AK9: variants seen among roughly 807,000 people sequenced by gnomAD.
The protein encoded by AK9 is adenylate kinase 9, also known as adenylate kinase domain containing 1.
AK9 carries 191 observed loss-of-function variants against 239.6 expected under a neutral mutation model. The ratio of observed to expected loss-of-function variants is 0.80; its 90% CI spans 0.71 to 0.90. The LOEUF (loss-of-function observed/expected upper bound fraction) is 0.90. Among genes scored for constraint, AK9 ranks in the 40% least tolerant of loss-of-function variants. The pLI, the probability that AK9 is intolerant of heterozygous loss-of-function variation, is 0.00. For synonymous variants in AK9, 689 were observed against 721.0 expected, an observed-to-expected ratio of 0.96 and a Z score of 0.71; for missense variants, 1,995 against 2,214.7, an observed-to-expected ratio of 0.90 and a Z score of 1.99.
At chr6:109,506,876 A>G (rs1045962484) in intron 33 of AK9, 76 bp from the exon 34 acceptor site, 26 of 1,433,946 alleles carry the variant, frequency 1.8e-5, no homozygotes, top group Non-Finnish European at 2.3e-5. Context: ...TTCCAGAACC[A>G]GTCTGTCTCT....
chr6:109,551,055 T>C (rs1351390832), intron 24 of AK9, among the ~76,000 whole-genome samples: 2 of 152,146 alleles, frequency 1.3e-5, no homozygotes, highest in Admixed American at 6.5e-5. Context: ...AAAATAGATA[T>C]ATATTTAGGC....
At chr6:109,570,441 A>T (rs1198858793) in intron 21 of AK9, among the ~76,000 whole-genome samples, 2 of 152,134 alleles carry the variant, frequency 1.3e-5, no homozygotes, top group Non-Finnish European at 2.9e-5. Flanking sequence ...ATAATAATAA[A>T]AAAAAGAAAA....
At chr6:109,567,788 C>T (rs1475788750) in intron 21 of AK9, among the ~76,000 whole-genome samples, 3 of 148,170 alleles carry the variant, frequency 2.0e-5, no homozygotes, top group African/African-American at 2.5e-5. Context: ...ATGCAAATGA[C>T]GAGTTAATGG....
chr6:109,617,237 A>C (rs1018634757), intron 13 of AK9, among the ~76,000 whole-genome samples: 5 of 152,092 alleles, frequency 3.3e-5, no homozygotes, highest in Non-Finnish European at 7.4e-5. Context: ...TATTAATACA[A>C]TCCTCCCATT....
chr6:109,577,766 C>T (rs1788277200), intron 20 of AK9, among the ~76,000 whole-genome samples: 1 of 152,056 alleles, frequency 6.6e-6, no homozygotes. Context: ...AGTTTGTGTG[C>T]ATAAAGGTGT....
intron 19 of AK9, among the ~76,000 whole-genome samples, chr6:109,582,350 AT>A (rs1788961162): frequency 6.6e-6 from 1 of 152,220 alleles, no homozygotes; most frequent in Non-Finnish European, 1.5e-5. Flanking sequence ...AGGATTTACC[AT>A]TGCAGAAGCC....
intron 24 of AK9, among the ~76,000 whole-genome samples, chr6:109,551,166 G>A (rs1784309862): frequency 6.6e-6 from 1 of 152,010 alleles, no homozygotes; most frequent in Admixed American, 6.6e-5. Context: ...TTCTATAAAG[G>A]TGCAAAAATG....
At chr6:109,616,709 A>G (rs553741013) in intron 13 of AK9, among the ~76,000 whole-genome samples, 5 of 152,148 alleles carry the variant, frequency 3.3e-5, no homozygotes, top group Non-Finnish European at 7.4e-5. Context: ...TATTCCAGAT[A>G]AAAATACTTA....
chr6:109,553,136 G>A (rs761630630), intron 24 of AK9, among the ~76,000 whole-genome samples: 8 of 152,260 alleles, frequency 5.3e-5, no homozygotes, highest in East Asian at 1.9e-4. Context: ...GTCAGGTAGC[G>A]TGATGCCTCT....
chr6:109,614,311 T>C lies in AK9; in HGVS notation c.1496-15A>G. The C allele has an allele frequency of 6.5e-7, 1 of 1,550,290 alleles. No individual in the cohort carries two copies. Among genetic ancestry groups the C allele is most frequent in the Non-Finnish European group, 8.7e-7 (1 of 1,145,786 alleles). ...TTGAATGTACCCTGCAATGAAAGAA[T>C]AATATACTTTATCAGCTAATCTATT... On this transcript the variant is annotated splice_polypyrimidine_tract_variant and intron_variant, in intron 14 of 40. Coordinates refer to ENST00000424296, the MANE Select transcript of AK9 (RefSeq NM_001145128.3).
chr6:109,689,299 G>A (rs1738102921), intron 1 of AK9, among the ~76,000 whole-genome samples: 1 of 152,308 alleles, frequency 6.6e-6, no homozygotes, highest in African/African-American at 2.4e-5. Flanking sequence ...TACGAGTGCT[G>A]CAAAGGGTGG....
chr6:109,599,621 G>A (rs1791615681), intron 17 of AK9, among the ~76,000 whole-genome samples: 1 of 152,020 alleles, frequency 6.6e-6, no homozygotes, highest in African/African-American at 2.4e-5. Flanking sequence ...GAAAGTCATT[G>A]GTAGCTTGAT....
chr6:109,595,881 T>A (rs1790959899), intron 17 of AK9, among the ~76,000 whole-genome samples: 1 of 152,088 alleles, frequency 6.6e-6, no homozygotes, highest in African/African-American at 2.4e-5. Context: ...AGGATAGCAT[T>A]AGGAGAAATA....
rs1797458030 is a variant in AK9 at position 109,641,620 on chromosome 6, G to T, written c.835-4C>A. The T allele has an allele frequency of 6.2e-7, 1 of 1,602,626 alleles. No individual in the cohort carries two copies. Among genetic ancestry groups the T allele is most frequent in the Non-Finnish European group, 8.5e-7 (1 of 1,170,060 alleles). ...ATTTAAGTCGATCCATAACAATCTA[G>T]ATTTAAAGAACAGATATTTAACTAC... is the stretch of plus-strand genomic sequence containing the variant. On this transcript the variant is annotated splice_region_variant and splice_polypyrimidine_tract_variant and intron_variant, in intron 9 of 40. Coordinates refer to ENST00000424296, the MANE Select transcript of AK9 (RefSeq NM_001145128.3).
intron 27 of AK9, 105 bp downstream of exon 27, chr6:109,541,942 T>C: frequency 2.0e-6 from 2 of 1,013,912 alleles, no homozygotes; most frequent in Non-Finnish European, 2.8e-6. Context: ...CTTACATGAA[T>C]ATAAAGGAGA....
intron 10 of AK9, among the ~76,000 whole-genome samples, chr6:109,638,660 T>C (rs116068788): frequency 3.9e-5 from 6 of 152,096 alleles, no homozygotes; most frequent in Non-Finnish European, 7.4e-5. Context: ...TTTAAAAAAA[T>C]TTTAATTATA....
chr6:109,667,291 C>A (rs928197326), intron 5 of AK9, among the ~76,000 whole-genome samples: 1 of 123,390 alleles, frequency 8.1e-6, no homozygotes, highest in Non-Finnish European at 1.8e-5. Flanking sequence ...CCCAGCCCCC[C>A]ACTCAAGTTG....
chr6:109,507,969 T>C (rs1778284234), intron 33 of AK9, among the ~76,000 whole-genome samples: 1 of 152,258 alleles, frequency 6.6e-6, no homozygotes, highest in Admixed American at 6.5e-5. Context: ...TGTATCTCAC[T>C]GCCAATTTCT....
chr6:109,677,092 G>C (rs1261154588), intron 1 of AK9, among the ~76,000 whole-genome samples: 2 of 152,060 alleles, frequency 1.3e-5, no homozygotes, highest in Non-Finnish European at 2.9e-5. Flanking sequence ...CCTACTTGAG[G>C]GTAGAGGGTA....
Sources: allele counts gnomAD v4.1 joint callset (sites outside exome capture counted in the v4.1 genomes callset), GRCh38; gene constraint gnomAD v4.1.1; transcripts MANE v1.5; gene names NCBI Gene and HGNC (gene_info 2026-07-23, HGNC 2026-07-21).